The following DDX28 variants were observed in gnomAD, a reference collection of about 807,000 sequenced individuals.
DDX28 encodes DEAD-box helicase 28, also known as probable ATP-dependent RNA helicase DDX28.
In DDX28, 25 loss-of-function variants were observed where a neutral mutation model predicts 26.8. The observed-to-expected ratio is 0.93, with a 90% CI of 0.68 to 1.30. The LOEUF (loss-of-function observed/expected upper bound fraction) is 1.30. Among genes scored for constraint, DDX28 ranks in the 50% most tolerant of loss-of-function variants. The probability of loss-of-function intolerance (pLI) is 0.00; values close to 1 mark genes in which losing one functional copy is unlikely to be tolerated. For missense variants in DDX28, 790 were observed against 695.1 expected, an observed-to-expected ratio of 1.14 and a Z score of -1.53; for synonymous variants, 370 against 311.9, an observed-to-expected ratio of 1.19 and a Z score of -1.96.
chr16:68,022,733 C>G lies in DDX28; in HGVS notation c.470G>C (p.Ser157Thr). 1.2e-6 allele frequency: 2 copies of G among 1,613,184 alleles called. No individual in the cohort carries two copies. Among genetic ancestry groups the G allele is most frequent in the Non-Finnish European group, 1.7e-6 (2 of 1,180,008 alleles). ...GCCGCGAAGTAGTGAGGGGATGGTG[C>G]TAGACTGCACGGTTGTGGGCTGAAC... Reference protein sequence around the residue: ...EVVQPTTVQSSTIPSLLRGRH... With the variant: ...EVVQPTTVQSTTIPSLLRGRH... Residue 157 changes from serine (S) to threonine (T), a missense_variant, in exon 1 of 1, where the codon AGC (serine) becomes ACC (threonine). Coordinates refer to ENST00000332395, the MANE Select transcript of DDX28 (RefSeq NM_018380.4).
chr16:68,021,558 AT>A lies in DDX28; in HGVS notation c.*21del, dbSNP rs775747175. The A allele has an allele frequency of 1.1e-5, 18 of 1,602,282 alleles. No individual in the cohort carries two copies. The highest frequency in any genetic ancestry group is 1.5e-5 in the Non-Finnish European group (18 of 1,173,258). ...GGAAAGATCCCTGTTCTAGCATCAC[AT>A]TTTAATCAGATTTGTCAAAATCAGG... On this transcript the variant is annotated 3_prime_UTR_variant, in exon 1 of 1. Coordinates refer to ENST00000332395, the MANE Select transcript of DDX28 (RefSeq NM_018380.4).
Position 68,021,501 on chromosome 16 carries a change from C to A in DDX28, c.*79G>T. 6.7e-7 allele frequency: 1 copy of A among 1,503,588 alleles called. No homozygotes were observed. Among genetic ancestry groups the A allele is most frequent in the East Asian group, 2.3e-5 (1 of 43,726 alleles). 93.1% of individuals were successfully genotyped at this position (1,503,588 alleles called of 1,614,324 possible). A position where few individuals can be genotyped will look rare whatever the true frequency, so the allele number is the denominator to read the frequency against. On this transcript the variant is annotated 3_prime_UTR_variant, in exon 1 of 1. Coordinates refer to ENST00000332395, the MANE Select transcript of DDX28 (RefSeq NM_018380.4). ...CGACAGGGCAGCCCAGAGCCTCCCA[C>A]TGACAAGTGTGGTCACCCACTCAAG...
rs1422793880 is a variant in DDX28 at position 68,021,684 on chromosome 16, A to T, written c.1519T>A (p.Trp507Arg). The change falls in exon 1 of 1, where the codon TGG becomes AGG. Residue 507 changes from tryptophan (W) to arginine (R), a missense_variant. By Grantham distance (101) the Trp-to-Arg change is moderately radical. Transcript: ENST00000332395. ...GTVISFVTHP[W>R]DVSLVQKIEL... ...ATCTTCTGAACCAGGCTCACATCCC[A>T]GGGATGGGTCACAAAACTGATGACG... 1.2e-6 allele frequency: 2 copies of T among 1,614,106 alleles called. No homozygotes were observed. Among genetic ancestry groups the T allele is most frequent in the African/African-American group, 2.7e-5 (2 of 74,942 alleles).
Position 68,021,862 on chromosome 16 carries a change from G to A in DDX28, c.1341C>T (p.Ser447=). 6.2e-7 allele frequency: 1 copy of A among 1,614,204 alleles called. No individual in the cohort carries two copies. Among genetic ancestry groups the A allele is most frequent in the Middle Eastern group, 1.6e-4 (1 of 6,062 alleles). Residue 447 remains serine (S), a synonymous_variant, in exon 1 of 1, where the codon TCC becomes TCT. Transcript: ENST00000332395. The stretch of plus-strand genomic sequence containing the variant: ...TGTCTGTGCAGAGAAGTATGTCTCG[G>A]GAGCTCTTCTGGAAGGACTGGAAGA... ...VGIFQSFQKS[S]RDILLCTDIA...
chr16:68,022,182 G>C lies in DDX28; in HGVS notation c.1021C>G (p.Leu341Val). Residue 341 changes from leucine (L) to valine (V), a missense_variant, in exon 1 of 1, where the codon CTG becomes GTG. By Grantham distance (32) the Leu-to-Val change is conservative. Transcript: ENST00000332395. ...ATFPEGVGQLLNKVASPDAVT... is the reference protein window; with the variant it reads ...ATFPEGVGQLVNKVASPDAVT... Reference sequence around the variant, plus strand: ...GCATCTGGGCTGGCGACTTTATTCAGCAACTGGCCTACACCTTCGGGAAAT... The same window carrying C: ...GCATCTGGGCTGGCGACTTTATTCACCAACTGGCCTACACCTTCGGGAAAT... The C allele has an allele frequency of 6.2e-7, 1 of 1,614,224 alleles. No homozygotes were observed. The highest frequency in any genetic ancestry group is 1.1e-5 in the South Asian group (1 of 91,084).
At position 68,022,413 on chromosome 16, in the gene DDX28, C is replaced by A. The variant is rs756218411; in HGVS notation, c.790G>T (p.Gly264Trp). 2 of 1,614,088 alleles carry A rather than the reference C, an allele frequency of 1.2e-6. No homozygotes were observed. The highest frequency in any genetic ancestry group is 1.7e-6 in the Non-Finnish European group (2 of 1,180,040). ...PSADVLVATP[G>W]ALWKALKSRL... ...CTTTTCAGGGCCTTCCACAGAGCCC[C>A]TGGAGTGGCCACAAGCACATCTGCT... Residue 264 changes from glycine to tryptophan, a missense_variant, in exon 1 of 1, where the codon GGG becomes TGG. Physicochemically the swap from Gly to Trp is radical, Grantham distance 184. Transcript: ENST00000332395.
rs755067862 is a variant in DDX28 at position 68,022,890 on chromosome 16, C to T, written c.313G>A (p.Asp105Asn). ...QGWKSRRARR[D>N]HFSIERAQQE... ...TGCGCGCGCTCGATGGAGAAGTGGT[C>T]CCGACGCGCGCGTCGACTCTTCCAG... Residue 105 changes from aspartate (D) to asparagine (N), a missense_variant, in exon 1 of 1, where the codon GAC becomes AAC. Coordinates refer to ENST00000332395, the MANE Select transcript of DDX28 (RefSeq NM_018380.4). 6.4e-7 allele frequency: 1 copy of T among 1,567,188 alleles called. No homozygotes were observed. Among genetic ancestry groups the T allele is most frequent in the Admixed American group, 1.9e-5 (1 of 53,544 alleles).
At position 68,022,084 on chromosome 16, in the gene DDX28, C is replaced by CT. The variant is rs2033252477; in HGVS notation, c.1118dup (p.Ala375SerfsTer3). On this transcript the variant is annotated frameshift_variant, in exon 1 of 1. Coordinates refer to ENST00000332395, the MANE Select transcript of DDX28 (RefSeq NM_018380.4). LOFTEE classifies it high-confidence loss of function. ...CCAGCTCGGCCACCTTATCTGCTCC[C>CT]TTCAGTCTCAGAAATGTCTGTTTCA... The CT allele has an allele frequency of 6.2e-7, 1 of 1,614,230 alleles. No homozygotes were observed. Among genetic ancestry groups the CT allele is most frequent in the African/African-American group, 1.3e-5 (1 of 75,066 alleles).
Position 68,021,367 on chromosome 16 carries a change from GTGTCTT to G in DDX28, c.*207_*212del. ...CATGATACAAAGTCAAAATCCACTT[GTGTCTT>G]GCTAAAGACTACAGAAAGCCATGCT... On this transcript the variant is annotated 3_prime_UTR_variant, in exon 1 of 1. Coordinates refer to ENST00000332395, the MANE Select transcript of DDX28 (RefSeq NM_018380.4). 1 of 576,924 alleles carries G rather than the reference GTGTCTT, an allele frequency of 1.7e-6. No individual in the cohort carries two copies. The highest frequency in any genetic ancestry group is 2.9e-5 in the East Asian group (1 of 34,628). 35.7% of individuals were successfully genotyped at this position (576,924 alleles called of 1,614,324 possible).
rs2033227440 is a variant in DDX28, at chr16:68,020,983, G to A, written c.*597C>T. ...CTCGGCTACCGAGTTGGGATAGAAG[G>A]CAGAACCTGAAAATGTACAAGCAAA... On this transcript the variant is annotated 3_prime_UTR_variant, in exon 1 of 1. Coordinates refer to ENST00000332395, the MANE Select transcript of DDX28 (RefSeq NM_018380.4). 1.3e-5 allele frequency among the ~76,000 whole-genome samples: 2 copies of A among 150,662 alleles called. No homozygotes were observed. Among genetic ancestry groups the A allele is most frequent in the Non-Finnish European group, 2.9e-5 (2 of 67,828 alleles).
rs1294275836 is a variant in DDX28 at position 68,022,511 on chromosome 16, C to G, written c.692G>C (p.Gly231Ala). The G allele has an allele frequency of 6.2e-7, 1 of 1,613,932 alleles. No homozygotes were observed. Among genetic ancestry groups the G allele is most frequent in the Admixed American group, 1.7e-5 (1 of 60,030 alleles). ...AVAQPLGRSL[G>A]LLVRDLEGGH... ...TCCCTCCAGGTCCCGCACCAGCAGG[C>G]CCAAGGAGCGGCCCAAGGGTTGGGC... The change falls in exon 1 of 1, where the codon GGC (glycine) becomes GCC (alanine). Residue 231 changes from glycine to alanine, a missense_variant. Transcript: ENST00000332395.
Position 68,021,677 on chromosome 16 carries a change from AC to A in DDX28, c.1525del (p.Val509Ter), listed in dbSNP as rs1323023948. Reference protein sequence around the residue: ...VISFVTHPWDVSLVQKIELAA... With the variant: ...VISFVTHPWDXSLVQKIELAA... ...CAGCTCAATCTTCTGAACCAGGCTC[AC>A]ATCCCAGGGATGGGTCACAAAACTG... On this transcript the variant is annotated frameshift_variant, in exon 1 of 1. Transcript: ENST00000332395. LOFTEE classifies it high-confidence loss of function. 1.2e-6 allele frequency: 2 copies of A among 1,614,104 alleles called. No homozygotes were observed. The highest frequency in any genetic ancestry group is 2.7e-5 in the African/African-American group (2 of 74,938).
Position 68,023,081 on chromosome 16 carries a change from G to A in DDX28, c.122C>T (p.Ala41Val). The change falls in exon 1 of 1, where the codon GCT (alanine) becomes GTT (valine). Residue 41 changes from alanine to valine, a missense_variant. By Grantham distance (64) the Ala-to-Val change is moderately conservative. Transcript: ENST00000332395. Reference sequence around the variant, plus strand: ...CCGCTGTTCCAACTGCCGCTGTAGAGCCACTGGGATGCGCACCACCGGCAG... The same window carrying A: ...CCGCTGTTCCAACTGCCGCTGTAGAACCACTGGGATGCGCACCACCGGCAG... ...EPLPVVRIPV[A>V]LQRQLEQRQS... is the part of the protein sequence containing the mutation. The A allele has an allele frequency of 6.2e-7, 1 of 1,601,598 alleles. No homozygotes were observed.
rs764891867 is a variant in DDX28, at chr16:68,022,712, C to T, written c.491G>A (p.Arg164His). 1 of 1,613,246 alleles carries T rather than the reference C, an allele frequency of 6.2e-7. No homozygotes were observed. Among genetic ancestry groups the T allele is most frequent in the Non-Finnish European group, 8.5e-7 (1 of 1,180,020 alleles). ...VQSSTIPSLLRGRHVVCAAET... is the reference protein window; with the variant it reads ...VQSSTIPSLLHGRHVVCAAET... ...TGCGGCGCAAACGACATGGCGGCCGCGAAGTAGTGAGGGGATGGTGCTAGA... is the reference window on the plus strand; with the variant it reads ...TGCGGCGCAAACGACATGGCGGCCGTGAAGTAGTGAGGGGATGGTGCTAGA... The change falls in exon 1 of 1, where the codon CGC (arginine) becomes CAC (histidine). Residue 164 changes from arginine (R) to histidine (H), a missense_variant. Physicochemically the swap from Arg to His is conservative, Grantham distance 29. Transcript: ENST00000332395.
chr16:68,022,465 G>T lies in DDX28; in HGVS notation c.738C>A (p.Ile246=). 1.2e-6 allele frequency: 2 copies of T among 1,613,900 alleles called. No homozygotes were observed. The highest frequency in any genetic ancestry group is 1.7e-6 in the Non-Finnish European group (2 of 1,180,030). The change falls in exon 1 of 1, where the codon ATC becomes ATA. Residue 246 remains isoleucine, a synonymous_variant. Coordinates refer to ENST00000332395, the MANE Select transcript of DDX28 (RefSeq NM_018380.4). ...DLEGGHGMRR[I]RLQLSRQPSA... ...AAGGCTGTCTGGACAGCTGCAGCCT[G>T]ATCCTACGCATGCCGTGGCCTCCCT...
rs2033265204 is a variant in DDX28, at chr16:68,022,627, G to A, written c.576C>T (p.Gly192=). 1 of 1,613,064 alleles carries A rather than the reference G, an allele frequency of 6.2e-7. No homozygotes were observed. The highest frequency in any genetic ancestry group is 1.3e-5 in the African/African-American group (1 of 74,942). Residue 192 remains glycine, a synonymous_variant, in exon 1 of 1, where the codon GGC becomes GGT. Transcript: ENST00000332395. ...YLLPLLQRLL[G]QPSLDSLPIP... is the part of the protein sequence containing the mutation. ...TAGGAAGGGAGTCCAGGCTTGGCTG[G>A]CCCAAGAGCCGTTGAAGCAGCGGCA...
Position 68,021,501 on chromosome 16 carries a change from C to CT in DDX28, c.*78dup. 11 of 1,503,588 alleles carry CT rather than the reference C, an allele frequency of 7.3e-6. No homozygotes were observed. Among genetic ancestry groups the CT allele is most frequent in the Non-Finnish European group, 9.9e-6 (11 of 1,110,582 alleles). 93.1% of individuals were successfully genotyped at this position (1,503,588 alleles called of 1,614,324 possible). On this transcript the variant is annotated 3_prime_UTR_variant, in exon 1 of 1. Transcript: ENST00000332395. ...CGACAGGGCAGCCCAGAGCCTCCCA[C>CT]TGACAAGTGTGGTCACCCACTCAAG... is the stretch of plus-strand genomic sequence containing the variant.
chr16:68,021,430 C>A lies in DDX28; in HGVS notation c.*150G>T. On this transcript the variant is annotated 3_prime_UTR_variant, in exon 1 of 1. Transcript: ENST00000332395. Reference sequence around the variant, plus strand: ...CTTCTTCTCCAATGCTGGCCAGCAGCGTACCTTTCCAAGTCACAAAGCAGT... The same window carrying A: ...CTTCTTCTCCAATGCTGGCCAGCAGAGTACCTTTCCAAGTCACAAAGCAGT... The A allele has an allele frequency of 2.6e-6, 2 of 762,364 alleles. No individual in the cohort carries two copies. Among genetic ancestry groups the A allele is most frequent in the Non-Finnish European group, 4.2e-6 (2 of 481,810 alleles). 47.2% of individuals were successfully genotyped at this position (762,364 alleles called of 1,614,324 possible). A position where few individuals can be genotyped will look rare whatever the true frequency, so the allele number is the denominator to read the frequency against.
rs1303663954 is a variant in DDX28, at chr16:68,020,988, A to C, written c.*592T>G. ...CTACCGAGTTGGGATAGAAGGCAGA[A>C]CCTGAAAATGTACAAGCAAAACTTC... is the stretch of plus-strand genomic sequence containing the variant. On this transcript the variant is annotated 3_prime_UTR_variant, in exon 1 of 1. Transcript: ENST00000332395. Among the ~76,000 whole-genome samples the C allele has an allele frequency of 6.6e-6, 1 of 151,136 alleles. No homozygotes were observed.
Sources: gnomAD v4.1 joint callset for allele counts (sites outside exome capture counted in the v4.1 genomes callset) on GRCh38, gnomAD v4.1.1 for gene constraint, MANE v1.5 for transcripts, NCBI Gene and HGNC (gene_info 2026-07-23, HGNC 2026-07-21) for gene names.